The following CAMTA1 variants were observed in gnomAD, a reference collection of about 807,000 sequenced individuals.
CAMTA1 encodes the protein calmodulin binding transcription activator 1.
Under a neutral mutation model 170.9 loss-of-function variants are expected in CAMTA1, and 27 were observed. The ratio of observed to expected loss-of-function variants is 0.16; its 90% CI spans 0.12 to 0.22. The LOEUF (loss-of-function observed/expected upper bound fraction) is 0.22, where lower values mean the gene tolerates loss of function less well. Among genes scored for constraint, CAMTA1 ranks in the 10% least tolerant of loss-of-function variants. CAMTA1 has a pLI of 1.00. For synonymous variants in CAMTA1, 833 were observed against 891.5 expected (o/e 0.93, Z 1.17); for missense variants, 1,619 against 2,217.2 (o/e 0.73, Z 5.42).
chr1:7,332,767 C>T (rs1296875496), intron 5 of CAMTA1, among the ~76,000 whole-genome samples: 1 of 152,144 alleles, frequency 6.6e-6, no homozygotes, highest in East Asian at 1.9e-4. Flanking sequence ...CTGAGCAAAG[C>T]AGGCAGTAAA....
chr1:7,579,665 T>C (rs895443334), intron 6 of CAMTA1, among the ~76,000 whole-genome samples: 2 of 148,908 alleles, frequency 1.3e-5, no homozygotes, highest in Non-Finnish European at 3.0e-5. Flanking sequence ...GTTCAAGTGA[T>C]TCCCTCACCT....
At chr1:6,926,540 C>T (rs1683280783) in intron 3 of CAMTA1, among the ~76,000 whole-genome samples, 1 of 132,814 alleles carries the variant, frequency 7.5e-6, no homozygotes, top group Admixed American at 8.7e-5. Context: ...CTCTCTCTTT[C>T]TTTCCTTCCT....
At chr1:6,871,974 G>A (rs1668525176) in intron 3 of CAMTA1, 2 of 1,228,710 alleles carry the variant, frequency 1.6e-6, no homozygotes, top group Non-Finnish European at 2.1e-6. Flanking sequence ...TTTGCAAAAT[G>A]CTGTCTTCAT....
intron 4 of CAMTA1, among the ~76,000 whole-genome samples, chr1:7,174,242 C>T (rs937031204): frequency 1.3e-4 from 20 of 152,132 alleles, no homozygotes; most frequent in African/African-American, 4.6e-4. Flanking sequence ...TACAAACAGC[C>T]CCAGCTGCAA....
intron 1 of CAMTA1, among the ~76,000 whole-genome samples, chr1:6,816,946 C>G (rs1171147068): frequency 1.3e-5 from 2 of 152,132 alleles, no homozygotes; most frequent in African/African-American, 4.8e-5. Context: ...CTATGGTTTT[C>G]AAAGATAGAA....
intron 3 of CAMTA1, among the ~76,000 whole-genome samples, chr1:6,893,649 A>G (rs1272373608): frequency 6.6e-6 from 1 of 152,170 alleles, no homozygotes; most frequent in African/African-American, 2.4e-5. Context: ...GGGCTTCTGC[A>G]TGATCTTGGA....
intron 1 of CAMTA1, among the ~76,000 whole-genome samples, chr1:6,789,689 A>C (rs1414478994): frequency 6.6e-6 from 1 of 152,070 alleles, no homozygotes; most frequent in Non-Finnish European, 1.5e-5. Context: ...TCATTCATTC[A>C]GGAGACCTTT....
At chr1:7,000,250 C>T (rs1459193196) in intron 3 of CAMTA1, among the ~76,000 whole-genome samples, 2 of 152,214 alleles carry the variant, frequency 1.3e-5, no homozygotes, top group African/African-American at 4.8e-5. Context: ...TCCTGCAGCC[C>T]CCTGCGTGGG....
chr1:7,574,244 C>T (rs889673690), intron 6 of CAMTA1, among the ~76,000 whole-genome samples: 2 of 152,126 alleles, frequency 1.3e-5, no homozygotes, highest in Admixed American at 6.5e-5. Context: ...CTGGGAGCTG[C>T]GAGCTGGTCC....
rs1214594352 is a variant in CAMTA1, at chr1:7,244,422, C to G, written c.303-5069C>G. ...ACCCAAAGGATTATAAATCATGCTG[C>G]TATAAATACACATGCACATGTATGT... is the stretch of plus-strand genomic sequence containing the variant. On this transcript the variant is annotated intron_variant, in intron 4 of 22. Coordinates refer to ENST00000303635, the MANE Select transcript of CAMTA1 (RefSeq NM_015215.4). 2.6e-5 allele frequency among the ~76,000 whole-genome samples: 4 copies of G among 152,202 alleles called. No individual in the cohort carries two copies. The East Asian group carries it at 7.7e-4, about 29-fold the overall frequency.
rs2095108738 is a variant in CAMTA1, at chr1:7,570,190, C to T, written c.511-70210C>T. On this transcript the variant is annotated intron_variant, in intron 6 of 22. Transcript: ENST00000303635. The surrounding 1 kb of genome is among the most constrained non-coding windows in gnomAD (Gnocchi z 4.3). ...AAAACTCCCTGCAGGACTGGTTGCC[C>T]CTCACGCCACCTCCTTCCTGTGATC... Among the ~76,000 whole-genome samples the T allele has an allele frequency of 6.6e-6, 1 of 152,128 alleles. No homozygotes were observed. Among genetic ancestry groups the T allele is most frequent in the Non-Finnish European group, 1.5e-5 (1 of 68,006 alleles).
intron 6 of CAMTA1, among the ~76,000 whole-genome samples, chr1:7,636,004 C>T (rs2095709345): frequency 6.6e-6 from 1 of 152,204 alleles, no homozygotes; most frequent in Admixed American, 6.5e-5. Context: ...GCTCCAGGCC[C>T]TGGGATGGAA....
intron 5 of CAMTA1, among the ~76,000 whole-genome samples, chr1:7,341,033 T>C (rs1259662583): frequency 1.3e-5 from 2 of 152,226 alleles, no homozygotes; most frequent in Non-Finnish European, 2.9e-5. Context: ...CCTTCCTTCT[T>C]AGGCCATGCC....
At position 7,443,976 on chromosome 1, in the gene CAMTA1, C is replaced by T. The variant is rs917680204; in HGVS notation, c.439-23854C>T. On this transcript the variant is annotated intron_variant, in intron 5 of 22. Transcript: ENST00000303635. This position sits in a 1 kb window ranked among gnomAD's most constrained non-coding sequence, Gnocchi z 4.1. ...ACATTGTGATCCGTCGGTGAGCCAT[C>T]GAGCCCCTCCTTCAGGCCCCCAGAG... 2.0e-5 allele frequency among the ~76,000 whole-genome samples: 3 copies of T among 151,630 alleles called. No homozygotes were observed. The highest frequency in any genetic ancestry group is 3.0e-5 in the Non-Finnish European group (2 of 67,758).
intron 6 of CAMTA1, among the ~76,000 whole-genome samples, chr1:7,542,770 T>C (rs750482837): frequency 1.3e-5 from 2 of 152,066 alleles, no homozygotes; most frequent in Non-Finnish European, 2.9e-5. Context: ...CTCAAGTGAA[T>C]CTGCCCGCCT....
chr1:7,072,178 A>G (rs1416518888), intron 3 of CAMTA1, among the ~76,000 whole-genome samples: 1 of 152,214 alleles, frequency 6.6e-6, no homozygotes. Context: ...TCAGTTTTCC[A>G]ATTCAAACAT....
intron 11 of CAMTA1, among the ~76,000 whole-genome samples, chr1:7,718,005 G>A (rs2096623543): frequency 1.3e-5 from 2 of 152,198 alleles, no homozygotes; most frequent in South Asian, 4.1e-4. Context: ...AGCGGTGACT[G>A]GGATGAACGT....
intron 10 of CAMTA1, among the ~76,000 whole-genome samples, chr1:7,676,444 G>A (rs1031373011): frequency 6.6e-6 from 1 of 152,214 alleles, no homozygotes; most frequent in African/African-American, 2.4e-5. Flanking sequence ...ACCCAGGATG[G>A]ACAGCGGCCA....
chr1:7,481,896 C>T (rs1351396281), intron 6 of CAMTA1, among the ~76,000 whole-genome samples: 4 of 151,060 alleles, frequency 2.6e-5, no homozygotes, highest in South Asian at 2.1e-4. Flanking sequence ...TTGATCGATG[C>T]GTGCGTCAGT....
Sources: allele counts gnomAD v4.1 joint callset (sites outside exome capture counted in the v4.1 genomes callset), GRCh38; gene constraint gnomAD v4.1.1; non-coding constraint Gnocchi (gnomAD v3.1); transcripts MANE v1.5; gene names NCBI Gene and HGNC (gene_info 2026-07-23, HGNC 2026-07-21).